Variants in FAM135B observed in about 807,000 individuals in gnomAD.
The protein encoded by FAM135B is family with sequence similarity 135 member B.
In FAM135B, 43 loss-of-function variants were observed where a neutral mutation model predicts 127.7. The ratio of observed to expected loss-of-function variants is 0.34; its 90% CI spans 0.26 to 0.43. The LOEUF is 0.43. Among genes scored for constraint, FAM135B ranks in the 20% least tolerant of loss-of-function variants. FAM135B has a pLI of 1.00. For synonymous variants in FAM135B, 670 were observed against 665.1 expected (o/e 1.01, Z -0.11); for missense variants, 1,558 against 1,725.6 (o/e 0.90, Z 1.72).
At chr8:138,447,100 A>G (rs1836213854) in intron 1 of FAM135B, among the ~76,000 whole-genome samples, 2 of 151,690 alleles carry the variant, frequency 1.3e-5, no homozygotes, top group African/African-American at 2.4e-5. Flanking sequence ...CAAAACCACA[A>G]TGAGATACCA....
chr8:138,404,225 G>A (rs1297149652), intron 1 of FAM135B, among the ~76,000 whole-genome samples: 1 of 151,942 alleles, frequency 6.6e-6, no homozygotes, highest in Non-Finnish European at 1.5e-5. Context: ...TAAAAGTTAT[G>A]TTCGCACTAT....
chr8:138,440,217 G>A (rs953376935), intron 1 of FAM135B: 1 of 152,070 alleles, frequency 6.6e-6, no homozygotes, highest in African/African-American at 2.4e-5. Context: ...CCATATTAAG[G>A]TCATCGCCCC....
intron 19 of FAM135B, among the ~76,000 whole-genome samples, chr8:138,133,284 TTTTC>T (rs1249168119): frequency 2.6e-5 from 4 of 152,082 alleles, no homozygotes; most frequent in Non-Finnish European, 5.9e-5. Context: ...GAGAATGCAG[TTTTC>T]TTTATGTTGG....
chr8:138,264,613 A>T (rs1450030800), intron 4 of FAM135B, among the ~76,000 whole-genome samples: 4 of 152,202 alleles, frequency 2.6e-5, no homozygotes. Context: ...AATGCCAGAG[A>T]TATGTCATGT....
chr8:138,350,209 T>G (rs1008080955), intron 2 of FAM135B, among the ~76,000 whole-genome samples: 2 of 152,152 alleles, frequency 1.3e-5, no homozygotes, highest in African/African-American at 4.8e-5. Flanking sequence ...ATTTCAAAGA[T>G]GAAACCCAGA....
rs1263506105 is a variant in FAM135B at position 138,443,309 on chromosome 8, C to A, written c.-20+53362G>T. ...CATTCAAATATTCTTTTCTTTTTCTCTTTTTCTTTCTTTTTACCAGATCCT... is the reference window on the plus strand; with the variant it reads ...CATTCAAATATTCTTTTCTTTTTCTATTTTTCTTTCTTTTTACCAGATCCT... On this transcript the variant is annotated intron_variant, in intron 1 of 19. Coordinates refer to ENST00000395297, the MANE Select transcript of FAM135B (RefSeq NM_015912.4). Among the ~76,000 whole-genome samples the A allele has an allele frequency of 2.0e-5, 3 of 152,092 alleles. No individual in the cohort carries two copies. In the East Asian group the frequency reaches 5.8e-4, roughly 29 times the overall value.
intron 7 of FAM135B, among the ~76,000 whole-genome samples, chr8:138,208,126 G>T (rs1817841992): frequency 6.6e-6 from 1 of 152,202 alleles, no homozygotes; most frequent in South Asian, 2.1e-4. Context: ...TGCCTCAGAA[G>T]CCTCCTATCA....
Position 138,177,453 on chromosome 8 carries a change from C to T in FAM135B, c.1030-33G>A, listed in dbSNP as rs750397750. 5.7e-6 allele frequency: 9 copies of T among 1,574,576 alleles called. No homozygotes were observed. The East Asian group carries it at 1.8e-4, about 32-fold the overall frequency. The stretch of plus-strand genomic sequence containing the variant: ...ATAAAACAATGTAAACAGTTCAATT[C>T]TTTAGGTAGGTATTACCTGCACTTT... On this transcript the variant is annotated intron_variant, in intron 10 of 19. Transcript: ENST00000395297.
intron 2 of FAM135B, among the ~76,000 whole-genome samples, chr8:138,336,717 A>C (rs1161482259): frequency 6.6e-6 from 1 of 152,222 alleles, no homozygotes; most frequent in Non-Finnish European, 1.5e-5. Flanking sequence ...AAATTATTAC[A>C]ATTAATAGAA....
intron 11 of FAM135B, among the ~76,000 whole-genome samples, chr8:138,170,386 C>T (rs1820325887): frequency 6.6e-6 from 1 of 151,976 alleles, no homozygotes; most frequent in Non-Finnish European, 1.5e-5. Flanking sequence ...TCACACCTGG[C>T]TAATTTTGTA....
rs548231766 is a variant in FAM135B, at chr8:138,413,457, C to T, written c.-19-45455G>A. 2.6e-5 allele frequency among the ~76,000 whole-genome samples: 4 copies of T among 152,288 alleles called. No homozygotes were observed. In the East Asian group the frequency reaches 5.8e-4, roughly 22 times the overall value. On this transcript the variant is annotated intron_variant, in intron 1 of 19. Transcript: ENST00000395297. ...CCTTCTCTAAAAACCTCCCTTTGGA[C>T]GAAGTGTTCCTTCTCTGAGATCTCA...
chr8:138,411,631 C>T (rs1833872838), intron 1 of FAM135B, among the ~76,000 whole-genome samples: 1 of 152,052 alleles, frequency 6.6e-6, no homozygotes, highest in Admixed American at 6.6e-5. Flanking sequence ...CCAAAATTGA[C>T]AAATGGGATC....
At chr8:138,244,369 C>T (rs1004145150) in intron 6 of FAM135B, among the ~76,000 whole-genome samples, 4 of 145,948 alleles carry the variant, frequency 2.7e-5, no homozygotes, top group African/African-American at 1.0e-4. Flanking sequence ...TAAATCCAGC[C>T]TCTCAGGGTT....
At chr8:138,272,798 T>C (rs1823486136) in intron 3 of FAM135B, among the ~76,000 whole-genome samples, 2 of 152,198 alleles carry the variant, frequency 1.3e-5, no homozygotes, top group South Asian at 4.1e-4. Context: ...GTATTTCAGT[T>C]TGGATTTCAA....
At chr8:138,443,213 C>T (rs1429199270) in intron 1 of FAM135B, among the ~76,000 whole-genome samples, 4 of 152,088 alleles carry the variant, frequency 2.6e-5, no homozygotes, top group African/African-American at 7.2e-5. Context: ...ATCAATCCCC[C>T]CAAATAAAAT....
intron 1 of FAM135B, among the ~76,000 whole-genome samples, chr8:138,400,633 C>A (rs1174940880): frequency 6.6e-6 from 1 of 152,160 alleles, no homozygotes; most frequent in African/African-American, 2.4e-5. Context: ...GAGGAATCCC[C>A]TGTATTCCCT....
rs557719866 is a variant in FAM135B at position 138,278,553 on chromosome 8, A to ATTTTT, written c.158-12716_158-12712dup. ...TAATTTTTCCTATTATAAGAACATG[A>ATTTTT]TTTTTTTTTTTTTTTTTTTTTTTTT... On this transcript the variant is annotated intron_variant, in intron 3 of 19. Transcript: ENST00000395297. Among the ~76,000 whole-genome samples the ATTTTT allele has an allele frequency of 7.3e-4, 44 of 60,530 alleles. 1 individual carries two copies. The highest frequency in any genetic ancestry group is 2.7e-3 in the African/African-American group (41 of 15,338). 39.7% of individuals were successfully genotyped at this position (60,530 alleles called of 152,430 possible).
intron 7 of FAM135B, among the ~76,000 whole-genome samples, chr8:138,216,256 GA>G (rs1218221359): frequency 6.6e-6 from 1 of 152,170 alleles, no homozygotes; most frequent in African/African-American, 2.4e-5. Flanking sequence ...ATAAGACTTA[GA>G]ACCGTTGGAG....
intron 6 of FAM135B, among the ~76,000 whole-genome samples, chr8:138,249,238 C>G (rs560878720): frequency 8.5e-5 from 13 of 152,272 alleles, no homozygotes; most frequent in African/African-American, 2.9e-4. Flanking sequence ...TGGGAATATT[C>G]TTCACAGGAT....
Sources: gnomAD v4.1 joint callset for allele counts (sites outside exome capture counted in the v4.1 genomes callset) on GRCh38, gnomAD v4.1.1 for gene constraint, MANE v1.5 for transcripts, NCBI Gene and HGNC (gene_info 2026-07-23, HGNC 2026-07-21) for gene names.